MROH2B: variants seen among roughly 807,000 people sequenced by gnomAD.
MROH2B encodes maestro heat-like repeat-containing protein family member 2B.
A neutral mutation model predicts 208.6 loss-of-function variants in MROH2B; 177 were observed. The observed-to-expected ratio is 0.85, with a 90% CI of 0.75 to 0.96. The LOEUF (loss-of-function observed/expected upper bound fraction) is 0.96. MROH2B is among the 40% of genes least tolerant of loss of function. The pLI, the probability that MROH2B is intolerant of heterozygous loss-of-function variation, is 0.00. For synonymous variants in MROH2B, 728 were observed against 659.0 expected, an observed-to-expected ratio of 1.10 and a Z score of -1.60; for missense variants, 2,002 against 1,878.7, an observed-to-expected ratio of 1.07 and a Z score of -1.21.
At chr5:40,998,573 T>G (rs752126115) in intron 41 of MROH2B, 39 bp downstream of exon 41, 9 of 1,506,948 alleles carry the variant, frequency 6.0e-6, no homozygotes, top group Non-Finnish European at 8.2e-6. Context: ...TTCCTAAGAA[T>G]GTAACAATAT....
rs773830105 is a variant in MROH2B, at chr5:41,033,815, ATCTATC to A, written c.2241+17_2241+22del. ...TATCTATCTATCTATCTATCTATCT[ATCTATC>A]TATCTATCTCTCCTACCTTGTTCAT... On this transcript the variant is annotated intron_variant, in intron 22 of 41. Transcript: ENST00000399564. The A allele has an allele frequency of 1.2e-4, 124 of 1,029,644 alleles. 2 individuals are homozygous for A. The highest frequency in any genetic ancestry group is 1.6e-4 in the Non-Finnish European group (118 of 760,022). The allele number at this position is 1,029,644 out of a possible 1,614,324, so 63.8% of individuals were successfully genotyped here. A position where few individuals can be genotyped will look rare whatever the true frequency, so the allele number is the denominator to read the frequency against.
intron 22 of MROH2B, 29 bp from the exon 23 acceptor site, chr5:41,033,189 C>G: frequency 6.2e-7 from 1 of 1,609,962 alleles, no homozygotes; most frequent in Non-Finnish European, 8.5e-7. Flanking sequence ...CAATGCAAGT[C>G]AAGGTCTAAG....
intron 35 of MROH2B, 43 bp from the exon 36 acceptor site, chr5:41,004,963 G>C: frequency 6.3e-7 from 1 of 1,599,952 alleles, no homozygotes; most frequent in Non-Finnish European, 8.5e-7. Context: ...TAAGGGCGTG[G>C]CCCCTCCTTC....
chr5:40,998,206 C>T (rs1447106743), intron 41 of MROH2B, 48 bp from the exon 42 acceptor site: 2 of 1,515,264 alleles, frequency 1.3e-6, no homozygotes, highest in Non-Finnish European at 9.1e-7. Context: ...AGTCAGAGCC[C>T]AGCAAGAAGG....
At chr5:41,007,816 C>T (rs962432581) in intron 33 of MROH2B, among the ~76,000 whole-genome samples, 13 of 152,218 alleles carry the variant, frequency 8.5e-5, no homozygotes, top group African/African-American at 3.1e-4. Context: ...CCAGACAGTA[C>T]TTGTGATGTA....
At position 41,042,170 on chromosome 5, in the gene MROH2B, G is replaced by C; in HGVS notation, c.1875C>G (p.Cys625Trp). The change falls in exon 19 of 42, where the codon TGC becomes TGG. Residue 625 changes from cysteine to tryptophan, a missense_variant. Cys to Trp is a radical substitution (Grantham distance 215, BLOSUM62 -2). Coordinates refer to ENST00000399564, the MANE Select transcript of MROH2B (RefSeq NM_173489.5). ...LWKALGTTLACCQDSDFVNSQ... is the reference protein window; with the variant it reads ...LWKALGTTLAWCQDSDFVNSQ... ...AGTTTACAAAGTCTGAATCTTGGCA[G>C]CATGCTAAGGTGGTTCCCAAGGCTT... The C allele has an allele frequency of 1.3e-6, 2 of 1,591,974 alleles. No homozygotes were observed. Among genetic ancestry groups the C allele is most frequent in the African/African-American group, 1.3e-5 (1 of 74,710 alleles).
chr5:41,049,819 G>A (rs1385561954), intron 13 of MROH2B, among the ~76,000 whole-genome samples: 1 of 152,160 alleles, frequency 6.6e-6, no homozygotes, highest in East Asian at 1.9e-4. Flanking sequence ...TCCAGGATTG[G>A]AGTGTGACTT....
chr5:41,069,876 G>T, intron 1 of MROH2B, 124 bp from the exon 2 acceptor site: 1 of 692,992 alleles, frequency 1.4e-6, no homozygotes, highest in Non-Finnish European at 2.5e-6. Flanking sequence ...TCCCTTGACT[G>T]CTAGCTCTTT....
chr5:41,002,289 TA>T (rs1423872601), intron 37 of MROH2B, among the ~76,000 whole-genome samples: 2 of 152,006 alleles, frequency 1.3e-5, no homozygotes, highest in Non-Finnish European at 2.9e-5. Flanking sequence ...CTGGGAGAAA[TA>T]TTAGAGAACG....
chr5:41,061,610 T>A lies in MROH2B; in HGVS notation c.575A>T (p.Tyr192Phe), dbSNP rs763271688. The change falls in exon 6 of 42, where the codon TAT becomes TTT. Residue 192 changes from tyrosine (Y) to phenylalanine (F), a missense_variant. By Grantham distance (22) the Tyr-to-Phe change is conservative. Transcript: ENST00000399564. Reference protein sequence around the residue: ...LSDKIFMLFWYIMEKWAPLAS... With the variant: ...LSDKIFMLFWFIMEKWAPLAS... The stretch of plus-strand genomic sequence containing the variant: ...CAAAGGGGCCCACTTCTCCATTATA[T>A]ACCAGAACAGCATGAAGATCTTGTC... 1.9e-6 allele frequency: 3 copies of A among 1,613,776 alleles called. No individual in the cohort carries two copies. The highest frequency in any genetic ancestry group is 2.7e-5 in the African/African-American group (2 of 74,902).
intron 24 of MROH2B, among the ~76,000 whole-genome samples, chr5:41,030,385 A>T (rs1005895405): frequency 6.6e-6 from 1 of 152,010 alleles, no homozygotes; most frequent in Admixed American, 6.6e-5. Context: ...AGCTGAAAAA[A>T]AATTAAATAC....
At position 41,004,849 on chromosome 5, in the gene MROH2B, G is replaced by A. The variant is rs1191855488; in HGVS notation, c.3936C>T (p.Ala1312=). The change falls in exon 36 of 42, where the codon GCC becomes GCT. Residue 1312 remains alanine (A), a synonymous_variant. Transcript: ENST00000399564. ...RNVLILMDQS[A]WDSNATLRQM... is the part of the protein sequence containing the mutation. Reference sequence around the variant, plus strand: ...GCCTCAGAGTGGCGTTGGAGTCCCAGGCACTTTGATCCATCAAGATCAGCA... The same window carrying A: ...GCCTCAGAGTGGCGTTGGAGTCCCAAGCACTTTGATCCATCAAGATCAGCA... 2.5e-6 allele frequency: 4 copies of A among 1,614,002 alleles called. No homozygotes were observed. Among genetic ancestry groups the A allele is most frequent in the Admixed American group, 1.7e-5 (1 of 60,010 alleles).
chr5:41,000,911 C>T (rs1741378506), intron 37 of MROH2B, 78 bp from the exon 38 acceptor site: 5 of 1,458,866 alleles, frequency 3.4e-6, no homozygotes, highest in East Asian at 2.4e-5. Context: ...GCTCTCATCC[C>T]ACCCTTCCCG....
intron 41 of MROH2B, 80 bp downstream of exon 41, chr5:40,998,532 C>T (rs943640081): frequency 1.6e-5 from 19 of 1,177,506 alleles, no homozygotes; most frequent in African/African-American, 1.2e-4. Context: ...TCTGGGCTGA[C>T]GTGGAACTTA....
chr5:41,021,521 C>A (rs1292843089), intron 24 of MROH2B, among the ~76,000 whole-genome samples: 1 of 152,148 alleles, frequency 6.6e-6, no homozygotes, highest in Non-Finnish European at 1.5e-5. Flanking sequence ...AGGTCTTATA[C>A]TTACTGATTT....
At position 41,032,686 on chromosome 5, in the gene MROH2B, G is replaced by C; in HGVS notation, c.2441+56C>G. The C allele has an allele frequency of 4.3e-6, 6 of 1,407,206 alleles. No individual in the cohort carries two copies. In the South Asian group the frequency reaches 6.1e-5, roughly 14 times the overall value. 87.2% of individuals were successfully genotyped at this position (1,407,206 alleles called of 1,614,324 possible). A position where few individuals can be genotyped will look rare whatever the true frequency, so the allele number is the denominator to read the frequency against. ...TGCACTAACAGATGTTAGTTGATCAGGAGGAGGATAAGGGGGAAAATACTT... is the reference window on the plus strand; with the variant it reads ...TGCACTAACAGATGTTAGTTGATCACGAGGAGGATAAGGGGGAAAATACTT... On this transcript the variant is annotated intron_variant, in intron 24 of 41. Transcript: ENST00000399564.
At position 41,003,404 on chromosome 5, in the gene MROH2B, A is replaced by G. The variant is rs1052749282; in HGVS notation, c.4194+942T>C. On this transcript the variant is annotated intron_variant, in intron 37 of 41. Transcript: ENST00000399564. ...ATGCTGTGGGCATATATTACAGACT[A>G]AAATCTAGAGGTTCATATAGTTAGC... Among the ~76,000 whole-genome samples, 5 of 152,236 alleles carry G rather than the reference A, an allele frequency of 3.3e-5. 1 individual carries two copies. Among genetic ancestry groups the G allele is most frequent in the Non-Finnish European group, 7.3e-5 (5 of 68,044 alleles).
At chr5:41,066,358 ATGAATTAC>A (rs1743815215) in intron 3 of MROH2B, among the ~76,000 whole-genome samples, 1 of 152,190 alleles carries the variant, frequency 6.6e-6, no homozygotes, top group Non-Finnish European at 1.5e-5. Flanking sequence ...ATAGGTTGGA[ATGAATTAC>A]TGAGTTGAGG....
intron 18 of MROH2B, among the ~76,000 whole-genome samples, chr5:41,044,122 T>G (rs963767472): frequency 1.3e-5 from 2 of 150,784 alleles, no homozygotes; most frequent in Non-Finnish European, 3.0e-5. Flanking sequence ...TGGTGGCACG[T>G]GCCTGTAGTC....
Sources: allele counts gnomAD v4.1 joint callset (sites outside exome capture counted in the v4.1 genomes callset), GRCh38; gene constraint gnomAD v4.1.1; transcripts MANE v1.5; gene names NCBI Gene and HGNC (gene_info 2026-07-23, HGNC 2026-07-21).